KDR: variants seen among roughly 807,000 people sequenced by gnomAD.
The protein encoded by KDR is kinase insert domain receptor.
In KDR, 43 loss-of-function variants were observed where a neutral mutation model predicts 160.9. The ratio of observed to expected loss-of-function variants is 0.27; its 90% confidence interval spans 0.21 to 0.34. The LOEUF (loss-of-function observed/expected upper bound fraction) is 0.34. KDR is among the 10% of genes least tolerant of loss of function. The pLI is 1.00. For missense variants in KDR, 1,469 were observed against 1,666.4 expected (o/e 0.88, Z 2.06); for synonymous variants, 617 against 600.1 (o/e 1.03, Z -0.41).
At chr4:55,082,724 T>A in intron 27 of KDR, 89 bp from the exon 28 acceptor site, 2 of 918,844 alleles carry the variant, frequency 2.2e-6, no homozygotes, top group Non-Finnish European at 3.6e-6. Flanking sequence ...ACCACAAACT[T>A]AATAGCAACC....
At chr4:55,087,108 T>C (rs1028602557) in intron 27 of KDR, among the ~76,000 whole-genome samples, 1 of 152,038 alleles carries the variant, frequency 6.6e-6, no homozygotes, top group Admixed American at 6.5e-5. Context: ...ATGCTGAAAA[T>C]CAGACGTGGG....
intron 26 of KDR, among the ~76,000 whole-genome samples, chr4:55,088,458 G>C (rs1719921594): frequency 6.6e-6 from 1 of 152,176 alleles, no homozygotes; most frequent in Non-Finnish European, 1.5e-5. Flanking sequence ...GAAGTTATAA[G>C]AACCTGGGAT....
chr4:55,081,922 T>A, intron 29 of KDR, 34 bp downstream of exon 29: 1 of 1,457,412 alleles, frequency 6.9e-7, no homozygotes, highest in Non-Finnish European at 9.6e-7. Context: ...AAATTCCTAT[T>A]GAAATTTGTC....
At position 55,107,792 on chromosome 4, in the gene KDR, G is replaced by T; in HGVS notation, c.1357C>A (p.Pro453Thr). 6.2e-7 allele frequency: 1 copy of T among 1,614,006 alleles called. No individual in the cohort carries two copies. Among genetic ancestry groups the T allele is most frequent in the Non-Finnish European group, 8.5e-7 (1 of 1,179,940 alleles). ...TGCCAATACCAGTGGATGTGATGCG[G>T]GGGAGGAATGGCATAGACCGTACAT... ...LTCTVYAIPPPHHIHWYWQLE... is the reference protein window; with the variant it reads ...LTCTVYAIPPTHHIHWYWQLE... The change falls in exon 10 of 30, where the codon CCG becomes ACG. Residue 453 changes from proline to threonine, a missense_variant. Around this residue, in one of 7 missense-constraint regions of KDR, gnomAD observed 792 missense variants for 840.9 expected, o/e 0.94. Transcript: ENST00000263923.
rs1304269303 is a variant in KDR, at chr4:55,087,602, A to G, written c.3662+5T>C. The G allele has an allele frequency of 6.2e-7, 1 of 1,613,918 alleles. No individual in the cohort carries two copies. Among genetic ancestry groups the G allele is most frequent in the Non-Finnish European group, 8.5e-7 (1 of 1,179,916 alleles). The stretch of plus-strand genomic sequence containing the variant: ...CCCCGGGGGATGTTAGGCCATATAC[A>G]GTACCTGATTCCTGCTGTGTTGTCA... On this transcript the variant is annotated splice_donor_5th_base_variant and intron_variant, in intron 27 of 29. Transcript: ENST00000263923.
At chr4:55,119,617 A>G (rs1232944563) in intron 2 of KDR, among the ~76,000 whole-genome samples, 5 of 152,178 alleles carry the variant, frequency 3.3e-5, no homozygotes, top group Non-Finnish European at 7.3e-5. Context: ...CAGGAGCAAA[A>G]ACAGCACATG....
Position 55,104,890 on chromosome 4 carries a change from G to T in KDR, c.1740C>A (p.Asn580Lys). ...GTGGGCCAAGCTTGTACCATGTGAG[G>T]TTCTCAAACGTAGATCTGTCTGCAG... ...WCTADRSTFE[N>K]LTWYKLGPQP... Residue 580 changes from asparagine to lysine, a missense_variant, in exon 13 of 30, where the codon AAC (asparagine) becomes AAA (lysine). Asn to Lys is a moderately conservative substitution (Grantham distance 94). Coordinates refer to ENST00000263923, the MANE Select transcript of KDR (RefSeq NM_002253.4). 1.2e-6 allele frequency: 2 copies of T among 1,613,960 alleles called. No individual in the cohort carries two copies. Among genetic ancestry groups the T allele is most frequent in the Non-Finnish European group, 1.7e-6 (2 of 1,179,898 alleles).
At position 55,079,914 on chromosome 4, in the gene KDR, A is replaced by G. The variant is rs4421048; in HGVS notation, c.*27T>C. 1,574,657 of 1,577,902 alleles carry G rather than the reference A, an allele frequency of 1. 785,727 individuals carry two copies. The highest frequency in any genetic ancestry group is 1 in the East Asian group (44,690 of 44,692). On this transcript the variant is annotated 3_prime_UTR_variant, in exon 30 of 30. Coordinates refer to ENST00000263923, the MANE Select transcript of KDR (RefSeq NM_002253.4). The stretch of plus-strand genomic sequence containing the variant: ...GAGCAGCACCTCTCATGTGATGTCC[A>G]GGAGTTGGGGGTGTGGATGCTTCCT...
In KDR at chr4:55,087,717, C is replaced by T. The variant is rs768576998; in HGVS notation, c.3552G>A (p.Leu1184=). The change falls in exon 27 of 30, where the codon TTG becomes TTA. Residue 1184 remains leucine, a synonymous_variant. Coordinates refer to ENST00000263923, the MANE Select transcript of KDR (RefSeq NM_002253.4). ...AGAGTCCAGAATCCTCTTCCATGCT[C>T]AAAGTCTCTGATATCGGAAGAACAA... The part of the protein sequence containing the change: ...DYIVLPISET[L]SMEEDSGLSL... 1.1e-5 allele frequency: 18 copies of T among 1,614,050 alleles called. No homozygotes were observed. The highest frequency in any genetic ancestry group is 8.5e-7 in the Non-Finnish European group (1 of 1,180,018).
chr4:55,082,223 A>G (rs1000636714), intron 28 of KDR, among the ~76,000 whole-genome samples, 182 bp from the exon 29 acceptor site: 1 of 152,238 alleles, frequency 6.6e-6, no homozygotes, highest in Admixed American at 6.5e-5. Context: ...TCCTATGAGT[A>G]GACACAGGCC....
intron 18 of KDR, chr4:55,096,778 CTG>C (rs919457256): frequency 1.2e-4 from 32 of 267,672 alleles, no homozygotes; most frequent in Non-Finnish European, 1.9e-4. Flanking sequence ...TCCAGCCAAT[CTG>C]TGCCGATCTG....
chr4:55,084,996 A>G (rs1329989228), intron 27 of KDR, among the ~76,000 whole-genome samples: 1 of 152,216 alleles, frequency 6.6e-6, no homozygotes, highest in Admixed American at 6.5e-5. Flanking sequence ...TACAAGGGCC[A>G]TTTAATCATC....
chr4:55,112,052 C>T lies in KDR; in HGVS notation c.976+1252G>A, dbSNP rs78973731. Reference sequence around the variant, plus strand: ...TATAAGTAGGATGCCACACAAATTACCATGTAAACTCAGACATTTATGTAA... The same window carrying T: ...TATAAGTAGGATGCCACACAAATTATCATGTAAACTCAGACATTTATGTAA... On this transcript the variant is annotated intron_variant, in intron 7 of 29. Transcript: ENST00000263923. Among the ~76,000 whole-genome samples, 67 of 152,258 alleles carry T rather than the reference C, an allele frequency of 4.4e-4. No homozygotes were observed. In the East Asian group the frequency reaches 0.012, roughly 26 times the overall value.
In KDR at chr4:55,125,208, T is replaced by C. The variant is rs1375572382; in HGVS notation, c.67+19A>G. 1 of 1,609,584 alleles carries C rather than the reference T, an allele frequency of 6.2e-7. No individual in the cohort carries two copies. The highest frequency in any genetic ancestry group is 8.5e-7 in the Non-Finnish European group (1 of 1,178,318). The stretch of plus-strand genomic sequence containing the variant: ...TCACCCGACCTGTCTGCCTTCCTCC[T>C]CCAGAGTGGGCTCCTTACCCACAGA... On this transcript the variant is annotated intron_variant, in intron 1 of 29. Transcript: ENST00000263923.
chr4:55,098,297 C>T (rs760104363), intron 16 of KDR, 25 bp from the exon 17 acceptor site: 8 of 1,613,340 alleles, frequency 5.0e-6, no homozygotes, highest in Non-Finnish European at 6.8e-6. Context: ...TCCTTCCAGT[C>T]ATAAACACAC....
intron 27 of KDR, among the ~76,000 whole-genome samples, chr4:55,083,182 T>C (rs978747552): frequency 3.3e-5 from 5 of 152,198 alleles, no homozygotes; most frequent in African/African-American, 4.8e-5. Flanking sequence ...AAAGAGAAGG[T>C]GGGCTGAGTC....
chr4:55,094,775 T>C (rs998260811), intron 21 of KDR, 27 bp downstream of exon 21: 11 of 1,606,192 alleles, frequency 6.8e-6, no homozygotes, highest in African/African-American at 6.7e-5. Context: ...GAGCATGCCA[T>C]AGCATGCAGG....
rs777094701 is a variant in KDR, at chr4:55,098,190, C to T, written c.2456G>A (p.Arg819Gln). ...CCATTTGCTGGCATCATAAGGCAGT[C>T]GTTCACAATGTTCATCCAATGGGAG... is the stretch of plus-strand genomic sequence containing the variant. ...DELPLDEHCE[R>Q]LPYDASKWEF... is the part of the protein sequence containing the mutation. The change falls in exon 17 of 30, where the codon CGA (arginine) becomes CAA (glutamine). Residue 819 changes from arginine (R) to glutamine (Q), a missense_variant. Coordinates refer to ENST00000263923, the MANE Select transcript of KDR (RefSeq NM_002253.4). 5.6e-6 allele frequency: 9 copies of T among 1,613,938 alleles called. No homozygotes were observed. In the East Asian group the frequency reaches 6.7e-5, roughly 12 times the overall value.
At chr4:55,086,463 T>G (rs1002509682) in intron 27 of KDR, among the ~76,000 whole-genome samples, 1 of 152,128 alleles carries the variant, frequency 6.6e-6, no homozygotes, top group Non-Finnish European at 1.5e-5. Flanking sequence ...GATCTTTAAC[T>G]ACAAGTTTGT....
Sources: gnomAD v4.1 joint callset for allele counts (sites outside exome capture counted in the v4.1 genomes callset) on GRCh38, gnomAD v4.1.1 for gene constraint, gnomAD v4.1.1 regional missense constraint, MANE v1.5 for transcripts, NCBI Gene and HGNC (gene_info 2026-07-23, HGNC 2026-07-21) for gene names.